Variants in EDEM3 observed in about 807,000 individuals in gnomAD.
EDEM3 encodes the protein ER degradation-enhancing alpha-mannosidase-like protein 3.
A neutral mutation model predicts 110.2 loss-of-function variants in EDEM3; 60 were observed. That is an observed-to-expected ratio of 0.54 (90% CI 0.44 to 0.67). The LOEUF (loss-of-function observed/expected upper bound fraction) is 0.67. EDEM3 is among the 30% of genes least tolerant of loss of function. EDEM3 has a pLI of 0.00. For synonymous variants in EDEM3, 352 were observed against 382.9 expected, an observed-to-expected ratio of 0.92 and a Z score of 0.94; for missense variants, 996 against 1,121.0, an observed-to-expected ratio of 0.89 and a Z score of 1.59.
chr1:184,712,641 A>G, intron 13 of EDEM3, 43 bp from the exon 14 acceptor site: 2 of 1,315,318 alleles, frequency 1.5e-6, no homozygotes, highest in Non-Finnish European at 2.1e-6. Flanking sequence ...GATAAAAATA[A>G]TTTAAATGCC....
chr1:184,713,166 T>C (rs1343098975), intron 13 of EDEM3, among the ~76,000 whole-genome samples: 1 of 152,032 alleles, frequency 6.6e-6, no homozygotes, highest in African/African-American at 2.4e-5. Context: ...CTCAGGAGGC[T>C]GCAGCAGGAG....
chr1:184,720,274 T>C (rs551028014), intron 9 of EDEM3, among the ~76,000 whole-genome samples: 11 of 152,272 alleles, frequency 7.2e-5, no homozygotes, highest in Admixed American at 6.5e-4. Context: ...TACTAATTTT[T>C]TTTTTGCAAA....
At chr1:184,708,036 G>C in intron 17 of EDEM3, 117 bp downstream of exon 17, 2 of 930,806 alleles carry the variant, frequency 2.1e-6, no homozygotes. Context: ...CCAGGAGATT[G>C]ACTATTTCAG....
At chr1:184,738,943 T>C (rs1384828322) in intron 2 of EDEM3, among the ~76,000 whole-genome samples, 1 of 152,180 alleles carries the variant, frequency 6.6e-6, no homozygotes. Context: ...ACCCTGAACC[T>C]CTGAAAATAG....
At chr1:184,721,062 G>A in intron 9 of EDEM3, 1 of 400,844 alleles carries the variant, frequency 2.5e-6, no homozygotes, top group Non-Finnish European at 4.4e-6. Flanking sequence ...TGGCAGATCT[G>A]CAAAGTTTCT....
At chr1:184,724,397 C>T (rs1651077247) in intron 7 of EDEM3, among the ~76,000 whole-genome samples, 1 of 152,078 alleles carries the variant, frequency 6.6e-6, no homozygotes, top group Non-Finnish European at 1.5e-5. Flanking sequence ...AATTAGGCTA[C>T]CAAATATTTG....
intron 6 of EDEM3, among the ~76,000 whole-genome samples, chr1:184,728,447 T>C (rs1651311665): frequency 1.3e-5 from 2 of 152,136 alleles, no homozygotes; most frequent in Non-Finnish European, 1.5e-5. Flanking sequence ...ATCATGAGCG[T>C]TTTAGTACAA....
At chr1:184,706,834 T>C (rs377101509) in intron 17 of EDEM3, 26 bp from the exon 18 acceptor site, 13 of 1,606,180 alleles carry the variant, frequency 8.1e-6, no homozygotes, top group African/African-American at 2.7e-5. Context: ...GCAACTTAAA[T>C]ACTTTAATCT....
chr1:184,752,758 G>A (rs1652835142), intron 1 of EDEM3, among the ~76,000 whole-genome samples: 1 of 152,186 alleles, frequency 6.6e-6, no homozygotes, highest in Non-Finnish European at 1.5e-5. Flanking sequence ...CAACATACTG[G>A]AGAGAGCCTG....
At chr1:184,747,296 C>T (rs766940869) in intron 2 of EDEM3, among the ~76,000 whole-genome samples, 2 of 152,188 alleles carry the variant, frequency 1.3e-5, no homozygotes, top group African/African-American at 4.8e-5. Flanking sequence ...AGGATTTGAA[C>T]TCAAGCCCTT....
intron 6 of EDEM3, among the ~76,000 whole-genome samples, chr1:184,728,965 T>C (rs1350281078): frequency 1.3e-5 from 2 of 152,186 alleles, no homozygotes; most frequent in East Asian, 1.9e-4. Context: ...CAAGAGGCAC[T>C]ACCATTTCCA....
intron 19 of EDEM3, 45 bp from the exon 20 acceptor site, chr1:184,694,517 T>G: frequency 2.1e-6 from 3 of 1,419,408 alleles, no homozygotes; most frequent in Non-Finnish European, 2.8e-6. Context: ...TCTAAAAAAA[T>G]GTACTATTAC....
intron 17 of EDEM3, 117 bp from the exon 18 acceptor site, chr1:184,706,925 C>T (rs1037107482): frequency 1.8e-5 from 19 of 1,043,660 alleles, no homozygotes; most frequent in South Asian, 1.1e-4. Context: ...CTAATGATAA[C>T]GTATCTAACA....
rs901213957 is a variant in EDEM3 at position 184,692,544 on chromosome 1, C to T, written c.*1519G>A. The T allele has an allele frequency of 6.6e-6, 1 of 152,052 alleles. No individual in the cohort carries two copies. The highest frequency in any genetic ancestry group is 6.6e-5 in the Admixed American group (1 of 15,232). The allele number at this position is 152,052 out of a possible 1,614,324, so 9.4% of individuals were successfully genotyped here. A position where few individuals can be genotyped will look rare whatever the true frequency, so the allele number is the denominator to read the frequency against. ...CTGCTGTTTTTAACAGCTCCACTTACACCTCATCAGTACCTCACAACCGTG... is the reference window on the plus strand; with the variant it reads ...CTGCTGTTTTTAACAGCTCCACTTATACCTCATCAGTACCTCACAACCGTG... On this transcript the variant is annotated 3_prime_UTR_variant, in exon 20 of 20. Transcript: ENST00000318130.
At chr1:184,730,378 C>G (rs1408122498) in intron 6 of EDEM3, among the ~76,000 whole-genome samples, 1 of 152,158 alleles carries the variant, frequency 6.6e-6, no homozygotes, top group Admixed American at 6.5e-5. Context: ...GCCCAGGAGT[C>G]TGAGACTAGC....
chr1:184,698,147 GA>G (rs1475844143), intron 19 of EDEM3, among the ~76,000 whole-genome samples: 1 of 151,756 alleles, frequency 6.6e-6, no homozygotes, highest in African/African-American at 2.4e-5. Context: ...AAAATAGGAA[GA>G]AACATGTACT....
At chr1:184,753,968 G>A (rs541561911) in intron 1 of EDEM3, among the ~76,000 whole-genome samples, 4 of 152,290 alleles carry the variant, frequency 2.6e-5, no homozygotes, top group Non-Finnish European at 4.4e-5. Context: ...ATTCTATTAT[G>A]AAAATACAGT....
chr1:184,749,496 C>T, intron 2 of EDEM3, 51 bp downstream of exon 2: 1 of 1,336,108 alleles, frequency 7.5e-7, no homozygotes, highest in Admixed American at 2.3e-5. Flanking sequence ...ACTGTGCTCA[C>T]ATAATAATCA....
intron 8 of EDEM3, among the ~76,000 whole-genome samples, chr1:184,721,764 C>T (rs1239848935): frequency 6.6e-6 from 1 of 151,698 alleles, no homozygotes; most frequent in Non-Finnish European, 1.5e-5. Flanking sequence ...ATAATATCTA[C>T]TCTTAAAAAG....
Sources: allele counts gnomAD v4.1 joint callset (sites outside exome capture counted in the v4.1 genomes callset), GRCh38; gene constraint gnomAD v4.1.1; transcripts MANE v1.5; gene names NCBI Gene and HGNC (gene_info 2026-07-23, HGNC 2026-07-21).